Variants in TNRC6B observed in about 807,000 individuals in gnomAD.
The protein encoded by TNRC6B is trinucleotide repeat containing adaptor 6B.
A neutral mutation model predicts 203.6 loss-of-function variants in TNRC6B; 52 were observed. The observed-to-expected ratio is 0.26, with a 90% CI of 0.20 to 0.32. The LOEUF is 0.32. TNRC6B is among the 10% of genes least tolerant of loss of function. TNRC6B has a pLI of 1.00. For synonymous variants in TNRC6B, 838 were observed against 845.7 expected (o/e 0.99, Z 0.16); for missense variants, 1,923 against 2,286.2 (o/e 0.84, Z 3.24).
At chr22:40,075,370 T>G (rs959596254) in intron 1 of TNRC6B, among the ~76,000 whole-genome samples, 5 of 151,634 alleles carry the variant, frequency 3.3e-5, no homozygotes, top group African/African-American at 1.2e-4. Context: ...TTTAGCCCTT[T>G]GTAATTATAG....
chr22:40,316,731 C>G (rs954489773), intron 21 of TNRC6B, among the ~76,000 whole-genome samples: 1 of 152,142 alleles, frequency 6.6e-6, no homozygotes, highest in Non-Finnish European at 1.5e-5. Context: ...GTGTCCCCTC[C>G]CCACCCAAGG....
intron 3 of TNRC6B, among the ~76,000 whole-genome samples, chr22:40,139,956 T>A (rs1319248813): frequency 6.6e-6 from 1 of 152,192 alleles, no homozygotes; most frequent in Non-Finnish European, 1.5e-5. Flanking sequence ...CCAAAAGCTT[T>A]AACGTTTTAG....
chr22:40,131,840 A>C (rs2068547742), intron 3 of TNRC6B, among the ~76,000 whole-genome samples: 1 of 152,236 alleles, frequency 6.6e-6, no homozygotes, highest in Non-Finnish European at 1.5e-5. Context: ...GAAGGAAGAC[A>C]AGTTGACAGA....
chr22:40,301,401 A>G lies in TNRC6B; in HGVS notation c.4120+68A>G, dbSNP rs149659638. The G allele has an allele frequency of 4.1e-4, 608 of 1,474,092 alleles. 2 individuals are homozygous for G. The African/African-American group carries it at 7.6e-3, about 18-fold the overall frequency. 91.3% of individuals were successfully genotyped at this position (1,474,092 alleles called of 1,614,324 possible). A position where few individuals can be genotyped will look rare whatever the true frequency, so the allele number is the denominator to read the frequency against. Reference sequence around the variant, plus strand: ...TCTCTAGGCCTGTGGTAGGGGTTGCACCTGCATTACCCTCCTTTTTTATGT... The same window carrying G: ...TCTCTAGGCCTGTGGTAGGGGTTGCGCCTGCATTACCCTCCTTTTTTATGT... On this transcript the variant is annotated intron_variant, in intron 15 of 22. Coordinates refer to ENST00000454349, the MANE Select transcript of TNRC6B (RefSeq NM_001162501.2).
intron 15 of TNRC6B, among the ~76,000 whole-genome samples, chr22:40,302,417 G>A (rs924659502): frequency 3.3e-5 from 5 of 152,016 alleles, no homozygotes; most frequent in South Asian, 2.1e-4. Flanking sequence ...GGCAGATCAC[G>A]AGGTCAGGAG....
intron 3 of TNRC6B, among the ~76,000 whole-genome samples, chr22:40,131,210 T>C (rs760875702): frequency 2.6e-5 from 4 of 152,114 alleles, no homozygotes; most frequent in Non-Finnish European, 5.9e-5. Context: ...TGAGCCACTG[T>C]GCCCAGCGCG....
In TNRC6B at chr22:40,316,122, A is replaced by C. The variant is rs1007770872; in HGVS notation, c.4974+110A>C. On this transcript the variant is annotated intron_variant, in intron 21 of 22. Coordinates refer to ENST00000454349, the MANE Select transcript of TNRC6B (RefSeq NM_001162501.2). Reference sequence around the variant, plus strand: ...GTAATCCAAGCACTTTGGGAGGCCGAGGCGGGTGCATCACGAGGTCAGGAG... The same window carrying C: ...GTAATCCAAGCACTTTGGGAGGCCGCGGCGGGTGCATCACGAGGTCAGGAG... The C allele has an allele frequency of 2.3e-5, 21 of 896,738 alleles. No individual in the cohort carries two copies. The East Asian group carries it at 5.1e-4, about 22-fold the overall frequency. The allele number at this position is 896,738 out of a possible 1,614,324, so 55.5% of individuals were successfully genotyped here. A position where few individuals can be genotyped will look rare whatever the true frequency, so the allele number is the denominator to read the frequency against.
At chr22:40,278,977 G>A (rs916797959) in intron 9 of TNRC6B, among the ~76,000 whole-genome samples, 6 of 152,226 alleles carry the variant, frequency 3.9e-5, no homozygotes, top group South Asian at 2.1e-4. Context: ...CTGACCTCCA[G>A]TGATCCACCT....
chr22:40,227,358 C>CT (rs71199278), intron 1 of TNRC6B, among the ~76,000 whole-genome samples: 19,765 of 71,256 alleles, frequency 0.28, 4,450 homozygotes, highest in East Asian at 0.47. Flanking sequence ...CTGAAATTAC[C>CT]TTTTTTTTTT....
At chr22:40,173,707 A>G (rs1019441789), upstream of TNRC6B, among the ~76,000 whole-genome samples, 11 of 141,172 alleles carry the variant, frequency 7.8e-5, no homozygotes, top group Admixed American at 5.8e-4. Flanking sequence ...AGTCAACACC[A>G]TGGCCAGCCT....
At chr22:40,128,469 A>G (rs1239315284) in intron 3 of TNRC6B, among the ~76,000 whole-genome samples, 1 of 151,844 alleles carries the variant, frequency 6.6e-6, no homozygotes, top group East Asian at 1.9e-4. Flanking sequence ...AGCTGAATTT[A>G]TTTTTGTTCA....
At chr22:40,126,586 T>A (rs979775810) in intron 3 of TNRC6B, among the ~76,000 whole-genome samples, 9 of 130,300 alleles carry the variant, frequency 6.9e-5, no homozygotes, top group African/African-American at 3.0e-4. Flanking sequence ...TTTAATTTTT[T>A]TTTTTTTTTT....
chr22:40,239,555 T>G (rs951415842), intron 1 of TNRC6B, among the ~76,000 whole-genome samples: 1 of 152,194 alleles, frequency 6.6e-6, no homozygotes, highest in Non-Finnish European at 1.5e-5. Context: ...TAAGGTGTGA[T>G]GGGCATTAAA....
chr22:40,213,895 G>C (rs1363246611), intron 1 of TNRC6B, among the ~76,000 whole-genome samples: 2 of 151,764 alleles, frequency 1.3e-5, no homozygotes, highest in African/African-American at 4.9e-5. Flanking sequence ...CAAATAATGA[G>C]AGAATAATAT....
At chr22:40,160,695 C>T (rs920445143) in intron 4 of TNRC6B, among the ~76,000 whole-genome samples, 4 of 152,044 alleles carry the variant, frequency 2.6e-5, no homozygotes, top group African/African-American at 7.2e-5. Flanking sequence ...TTCTGAGTAG[C>T]TGTACTACAG....
At chr22:40,099,386 G>A (rs947633456) in intron 1 of TNRC6B, among the ~76,000 whole-genome samples, 2 of 152,044 alleles carry the variant, frequency 1.3e-5, no homozygotes, top group South Asian at 4.2e-4. Context: ...CTGATTTGAA[G>A]CACTCTTTTA....
At chr22:40,301,108 CG>C in intron 14 of TNRC6B, 41 bp from the exon 15 acceptor site, 1 of 1,553,488 alleles carries the variant, frequency 6.4e-7, no homozygotes, top group Non-Finnish European at 8.7e-7. Context: ...CTGGGAAGTT[CG>C]GGGCCGTGCT....
At chr22:40,117,410 C>G (rs1352668602) in intron 2 of TNRC6B, among the ~76,000 whole-genome samples, 1 of 152,142 alleles carries the variant, frequency 6.6e-6, no homozygotes, top group Non-Finnish European at 1.5e-5. Context: ...CCTAGCGTCT[C>G]TGTCTCTCAC....
At chr22:40,192,036 AT>A (rs1043531109) in intron 1 of TNRC6B, among the ~76,000 whole-genome samples, 2 of 151,952 alleles carry the variant, frequency 1.3e-5, no homozygotes, top group Admixed American at 1.3e-4. Flanking sequence ...GCCTATTTTT[AT>A]TTTTTAGAGA....
Sources: gnomAD v4.1 joint callset for allele counts (sites outside exome capture counted in the v4.1 genomes callset) on GRCh38, gnomAD v4.1.1 for gene constraint, MANE v1.5 for transcripts, NCBI Gene and HGNC (gene_info 2026-07-23, HGNC 2026-07-21) for gene names.